Variants in ELF4 observed in about 807,000 individuals in gnomAD.
ELF4 encodes the protein ETS-related transcription factor Elf-4.
Under a neutral mutation model 31.7 loss-of-function variants are expected in ELF4, and 10 were observed. The ratio of observed to expected loss-of-function variants is 0.32; its 90% CI spans 0.19 to 0.54. The LOEUF (loss-of-function observed/expected upper bound fraction) is 0.54. ELF4 is among the 20% of genes least tolerant of loss of function. The pLI is 0.95. For synonymous variants in ELF4, 208 were observed against 226.7 expected, an observed-to-expected ratio of 0.92 and a Z score of 0.74; for missense variants, 418 against 522.0, an observed-to-expected ratio of 0.80 and a Z score of 1.94.
At chrX:130,070,595 T>A (rs1192270286) in intron 7 of ELF4, among the ~76,000 whole-genome samples, 2 of 85,596 alleles carry the variant, frequency 2.3e-5, no homozygotes, top group East Asian at 3.3e-4. Context: ...AATAAATAAA[T>A]AAAAATAAAA....
intron 2 of ELF4, among the ~76,000 whole-genome samples, chrX:130,078,862 G>A (rs1425183826): frequency 4.6e-5 from 5 of 109,734 alleles, no homozygotes; most frequent in Non-Finnish European, 9.5e-5. Flanking sequence ...GGAGGCTGAA[G>A]TGGGAAGATC....
chrX:130,078,282 G>A lies in ELF4; in HGVS notation c.75+2974C>T, dbSNP rs754555129. Among the ~76,000 whole-genome samples, 36 of 109,001 alleles carry A rather than the reference G, an allele frequency of 3.3e-4. No homozygotes were observed. In the South Asian group the frequency reaches 0.012, roughly 35 times the overall value. 94.7% of individuals were successfully genotyped at this position (109,001 alleles called of 115,157 possible). On this transcript the variant is annotated intron_variant, in intron 2 of 8. Transcript: ENST00000308167. The stretch of plus-strand genomic sequence containing the variant: ...GCTGGTCTCGAACTGCTGAACTCAG[G>A]TGATCTGCCTGTCTCGGCCTCCCGA...
At chrX:130,103,670 C>T (rs761176566) in intron 1 of ELF4, among the ~76,000 whole-genome samples, 2 of 111,848 alleles carry the variant, frequency 1.8e-5, no homozygotes, top group South Asian at 3.7e-4. Flanking sequence ...TCCTTGTTAT[C>T]GGGTCATCAG....
At chrX:130,103,171 A>G (rs1019165915) in intron 1 of ELF4, among the ~76,000 whole-genome samples, 5 of 112,341 alleles carry the variant, frequency 4.5e-5, no homozygotes, top group Admixed American at 9.5e-5. Flanking sequence ...ATAAAAAGAA[A>G]AGTTGAAAAG....
At chrX:130,092,612 G>A (rs1933079379) in intron 1 of ELF4, among the ~76,000 whole-genome samples, 2 of 112,296 alleles carry the variant, frequency 1.8e-5, no homozygotes, top group Non-Finnish European at 3.8e-5. Flanking sequence ...GTCACCTTGA[G>A]GGGTGGAGTG....
At chrX:130,095,127 A>T (rs191355932) in intron 1 of ELF4, among the ~76,000 whole-genome samples, 1 of 111,784 alleles carries the variant, frequency 8.9e-6, no homozygotes, top group East Asian at 2.8e-4. Context: ...AAGGAGGGCC[A>T]AACAGTAAAA....
intron 5 of ELF4, 145 bp from the exon 6 acceptor site, chrX:130,071,564 C>T: frequency 5.5e-6 from 3 of 545,567 alleles, no homozygotes; most frequent in Non-Finnish European, 9.4e-6. Context: ...CCACAGCCCT[C>T]AGGCCTTTGC....
At position 130,065,995 on chromosome X, in the gene ELF4, G is replaced by A. The variant is rs1351637795; in HGVS notation, c.*726C>T. On this transcript the variant is annotated 3_prime_UTR_variant, in exon 9 of 9. Coordinates refer to ENST00000308167, the MANE Select transcript of ELF4 (RefSeq NM_001421.4). ...GAGCTGACTTCCCTTCCCTCCCTTC[G>A]TGGTTTTACCCCACTCGGCCTTTGT... 5.7e-6 allele frequency: 1 copy of A among 174,444 alleles called. No homozygotes were observed. Among genetic ancestry groups the A allele is most frequent in the East Asian group, 8.1e-5 (1 of 12,293 alleles). 14.4% of individuals were successfully genotyped at this position (174,444 alleles called of 1,213,427 possible).
In ELF4 at chrX:130,064,116, G is replaced by GT. The variant is rs759131517; in HGVS notation, c.*2604dup. ...CCCATCAACCCGTCATCTTGGAAAG[G>GT]TTTTTTGTGAGCGTGGAAATAATTT... On this transcript the variant is annotated 3_prime_UTR_variant, in exon 9 of 9. Coordinates refer to ENST00000308167, the MANE Select transcript of ELF4 (RefSeq NM_001421.4). 1.8e-5 allele frequency among the ~76,000 whole-genome samples: 2 copies of GT among 109,685 alleles called. No individual in the cohort carries two copies. Among genetic ancestry groups the GT allele is most frequent in the East Asian group, 2.8e-4 (1 of 3,511 alleles).
At chrX:130,099,939 A>C (rs920268501) in intron 1 of ELF4, among the ~76,000 whole-genome samples, 1 of 111,505 alleles carries the variant, frequency 9.0e-6, no homozygotes, top group East Asian at 2.8e-4. Context: ...CTGCCTCTTA[A>C]TACATTTTCT....
chrX:130,094,565 C>CA (rs1237045326), intron 1 of ELF4, among the ~76,000 whole-genome samples: 224 of 94,830 alleles, frequency 2.4e-3, no homozygotes, highest in South Asian at 5.3e-3. Context: ...GACTCCATCT[C>CA]AAAAAAAAAA....
At chrX:130,100,832 T>C (rs954944224) in intron 1 of ELF4, among the ~76,000 whole-genome samples, 1 of 112,335 alleles carries the variant, frequency 8.9e-6, no homozygotes, top group African/African-American at 3.2e-5. Flanking sequence ...GGTTTGGGCA[T>C]TCATGAATGA....
intron 1 of ELF4, among the ~76,000 whole-genome samples, chrX:130,102,264 G>T (rs772809654): frequency 1.8e-5 from 2 of 112,599 alleles, no homozygotes; most frequent in African/African-American, 6.5e-5. Flanking sequence ...ACATGAAATC[G>T]CAAAGGACTT....
At chrX:130,083,015 C>G (rs1179555923) in intron 1 of ELF4, among the ~76,000 whole-genome samples, 2 of 110,186 alleles carry the variant, frequency 1.8e-5, no homozygotes. Flanking sequence ...GATGACCGCT[C>G]TCCCCCACAG....
chrX:130,099,038 T>A, intron 1 of ELF4, among the ~76,000 whole-genome samples: 1 of 112,821 alleles, frequency 8.9e-6, no homozygotes, highest in Non-Finnish European at 1.9e-5. Flanking sequence ...AAATTTTAAC[T>A]GTCCTTCTAG....
At chrX:130,085,040 C>CACTTG (rs1214106800) in intron 1 of ELF4, among the ~76,000 whole-genome samples, 2 of 112,179 alleles carry the variant, frequency 1.8e-5, no homozygotes, top group Non-Finnish European at 3.8e-5. Context: ...CACACACGGA[C>CACTTG]ACTTGGCTCG....
At chrX:130,086,459 T>C (rs1007697226) in intron 1 of ELF4, among the ~76,000 whole-genome samples, 2 of 111,986 alleles carry the variant, frequency 1.8e-5, no homozygotes, top group Non-Finnish European at 3.8e-5. Context: ...AGTGATTAGA[T>C]GGCAGGTCCC....
intron 1 of ELF4, among the ~76,000 whole-genome samples, chrX:130,098,103 C>A (rs967184358): frequency 8.9e-6 from 1 of 112,287 alleles, no homozygotes; most frequent in East Asian, 2.8e-4. Flanking sequence ...CAGCCTGGAG[C>A]CCCCCTGAGC....
intron 1 of ELF4, among the ~76,000 whole-genome samples, chrX:130,082,937 G>T (rs1225507942): frequency 9.0e-6 from 1 of 111,257 alleles, no homozygotes; most frequent in Non-Finnish European, 1.9e-5. Flanking sequence ...TCCTGGCCCG[G>T]AAAGAAATGA....
Sources: gnomAD v4.1 joint callset for allele counts (sites outside exome capture counted in the v4.1 genomes callset) on GRCh38, gnomAD v4.1.1 for gene constraint, MANE v1.5 for transcripts, NCBI Gene and HGNC (gene_info 2026-07-23, HGNC 2026-07-21) for gene names.